The following RIMOC1 variants were observed in gnomAD, a reference collection of about 807,000 sequenced individuals.
RIMOC1 encodes the protein RAB7A-interacting MON1-CCZ1 complex subunit 1.
the RIMOC1 span, chr5:41,912,023 C>T: frequency 5.8e-5 from 65 of 1,124,366 alleles, no homozygotes; most frequent in African/African-American, 9.1e-4. Flanking sequence ...GTTTATATAT[C>T]TCTGCATATA....
At chr5:41,921,606 A>G in the RIMOC1 span, 1 of 152,108 alleles carries the variant, frequency 6.6e-6, no homozygotes, top group Non-Finnish European at 1.5e-5. Context: ...GAGCATATAC[A>G]TTTTTAAAAA....
the RIMOC1 span, chr5:41,918,141 C>G: frequency 1.0e-6 from 1 of 985,748 alleles, no homozygotes; most frequent in Non-Finnish European, 1.2e-6. Context: ...TACCTCAACT[C>G]CTGTTGTCAT....
chr5:41,911,976 T>C, the RIMOC1 span: 1 of 816,912 alleles, frequency 1.2e-6, no homozygotes, highest in South Asian at 1.4e-5. Context: ...TAACCAATTT[T>C]CTCTTGAGTA....
the RIMOC1 span, among the ~76,000 whole-genome samples, chr5:41,912,820 G>C: frequency 6.6e-6 from 1 of 152,116 alleles, no homozygotes; most frequent in Non-Finnish European, 1.5e-5. Flanking sequence ...TCAAGCCTCT[G>C]TCAGCATATT....
the RIMOC1 span, among the ~76,000 whole-genome samples, chr5:41,914,282 GAC>G: frequency 6.6e-6 from 1 of 152,072 alleles, no homozygotes; most frequent in Non-Finnish European, 1.5e-5. Context: ...CAGGCAAAAA[GAC>G]ACAGTATAGG....
At chr5:41,919,261 T>C in the RIMOC1 span, 1 of 152,196 alleles carries the variant, frequency 6.6e-6, no homozygotes, top group Non-Finnish European at 1.5e-5. Context: ...TTTCTCTTTT[T>C]GGGATTTTCC....
the RIMOC1 span, among the ~76,000 whole-genome samples, chr5:41,913,487 C>T: frequency 1.1e-4 from 17 of 152,240 alleles, 1 homozygote; most frequent in African/African-American, 4.1e-4. Flanking sequence ...TTTACCATCT[C>T]CTTATAAATG....
At chr5:41,904,749 G>A in the RIMOC1 span, among the ~76,000 whole-genome samples, 1 of 152,226 alleles carries the variant, frequency 6.6e-6, no homozygotes, top group East Asian at 1.9e-4. Flanking sequence ...GCGATTGGAA[G>A]AAGGGCAGAA....
chr5:41,919,520 A>G, the RIMOC1 span: 5 of 152,176 alleles, frequency 3.3e-5, no homozygotes, highest in Admixed American at 2.6e-4. Context: ...TCTTATGAAA[A>G]TACCTTTGTG....
chr5:41,909,740 T>TTA, the RIMOC1 span: 1 of 1,522,370 alleles, frequency 6.6e-7, no homozygotes, highest in Non-Finnish European at 8.8e-7. Flanking sequence ...TTTTTTTTTT[T>TTA]TTTAGGCTAT....
the RIMOC1 span, among the ~76,000 whole-genome samples, chr5:41,906,768 C>A: frequency 4.1e-4 from 63 of 152,290 alleles, no homozygotes; most frequent in African/African-American, 1.4e-3. Context: ...GCTTTTGCTC[C>A]AACAATGAAC....
the RIMOC1 span, among the ~76,000 whole-genome samples, chr5:41,906,129 C>T: frequency 1.3e-5 from 2 of 152,154 alleles, no homozygotes; most frequent in Non-Finnish European, 2.9e-5. Flanking sequence ...CCATTGTCTT[C>T]TTCAGATTAG....
chr5:41,915,916 G>T, the RIMOC1 span, among the ~76,000 whole-genome samples: 1 of 152,156 alleles, frequency 6.6e-6, no homozygotes, highest in Non-Finnish European at 1.5e-5. Flanking sequence ...GGTGAAAACT[G>T]TAGGAACAAA....
chr5:41,910,339 T>G, the RIMOC1 span, among the ~76,000 whole-genome samples: 3 of 151,994 alleles, frequency 2.0e-5, no homozygotes, highest in African/African-American at 7.2e-5. Context: ...CTTCTCTTGC[T>G]AGCAACTGTT....
At chr5:41,920,085 G>A in the RIMOC1 span, 5 of 152,128 alleles carry the variant, frequency 3.3e-5, no homozygotes, top group Non-Finnish European at 7.4e-5. Context: ...CCTGAGAGGA[G>A]TAAAGTGTTT....
At chr5:41,910,262 A>C in the RIMOC1 span, among the ~76,000 whole-genome samples, 1 of 151,838 alleles carries the variant, frequency 6.6e-6, no homozygotes, top group Non-Finnish European at 1.5e-5. Flanking sequence ...TCCCCTTCTT[A>C]ATGTTGATCA....
chr5:41,912,600 A>G, the RIMOC1 span, among the ~76,000 whole-genome samples: 1 of 152,336 alleles, frequency 6.6e-6, no homozygotes, highest in South Asian at 2.1e-4. Flanking sequence ...CATGTCTTAA[A>G]TGGCAGCAGG....
the RIMOC1 span, chr5:41,909,925 A>G: frequency 6.6e-7 from 1 of 1,505,590 alleles, no homozygotes; most frequent in Middle Eastern, 2.3e-4. Flanking sequence ...TTATGATGGA[A>G]TATTGCTGGT....
At chr5:41,909,216 A>G in the RIMOC1 span, among the ~76,000 whole-genome samples, 7 of 152,280 alleles carry the variant, frequency 4.6e-5, no homozygotes, top group South Asian at 1.4e-3. Flanking sequence ...ATGCTTTAAC[A>G]GCATCTCTAA....
Sources: gnomAD v4.1 joint callset for allele counts (sites outside exome capture counted in the v4.1 genomes callset) on GRCh38, gnomAD v4.1.1 for gene constraint, MANE v1.5 for transcripts, NCBI Gene and HGNC (gene_info 2026-07-23, HGNC 2026-07-21) for gene names.